Variants in ABI2 observed in about 807,000 individuals in gnomAD.
The protein encoded by ABI2 is abelson interactor 2.
Under a neutral mutation model 59.2 loss-of-function variants are expected in ABI2, and 25 were observed. The ratio of observed to expected loss-of-function variants is 0.42; its 90% CI spans 0.31 to 0.59. The LOEUF is 0.59. Among genes scored for constraint, ABI2 ranks in the 20% least tolerant of loss-of-function variants. ABI2 has a pLI of 0.14. For synonymous variants in ABI2, 213 were observed against 235.5 expected (o/e 0.90, Z 0.87); for missense variants, 545 against 681.8 (o/e 0.80, Z 2.23).
Position 203,391,882 on chromosome 2 carries a change from AT to A in ABI2, c.578+742del, listed in dbSNP as rs200410889. ...TTTTGGTCCTAGAGTTGGGCTCTAG[AT>A]TTGACTTTTGGCAAAAATGGCCAAT... On this transcript the variant is annotated intron_variant, in intron 5 of 11. Coordinates refer to ENST00000261018, the MANE Select transcript of ABI2 (RefSeq NM_001375670.1). 2.6e-3 allele frequency among the ~76,000 whole-genome samples: 402 copies of A among 151,796 alleles called. 8 individuals carry two copies. Among genetic ancestry groups the A allele is most frequent in the Non-Finnish European group, 4.9e-4 (33 of 67,952 alleles).
At chr2:203,402,767 A>AT in intron 9 of ABI2, 33 bp downstream of exon 9, 1 of 1,496,310 alleles carries the variant, frequency 6.7e-7, no homozygotes, top group Non-Finnish European at 8.9e-7. Flanking sequence ...ATTCTATAGA[A>AT]TGTATTTAAT....
chr2:203,352,282 A>G (rs2089252407), intron 1 of ABI2, among the ~76,000 whole-genome samples: 1 of 152,186 alleles, frequency 6.6e-6, no homozygotes, highest in Non-Finnish European at 1.5e-5. Flanking sequence ...AATAATAAAG[A>G]TTATTACTGG....
At chr2:203,374,342 A>G (rs1380594266) in intron 2 of ABI2, among the ~76,000 whole-genome samples, 1 of 151,980 alleles carries the variant, frequency 6.6e-6, no homozygotes, top group African/African-American at 2.4e-5. Flanking sequence ...GCTACTAAAA[A>G]TACAAAAATT....
chr2:203,375,135 G>C (rs556123304), intron 2 of ABI2, among the ~76,000 whole-genome samples: 1 of 152,330 alleles, frequency 6.6e-6, no homozygotes, highest in Non-Finnish European at 1.5e-5. Flanking sequence ...CAGCATGCAA[G>C]ATCAGCTTGG....
At chr2:203,340,836 C>T (rs1177746773) in intron 1 of ABI2, among the ~76,000 whole-genome samples, 3 of 151,928 alleles carry the variant, frequency 2.0e-5, no homozygotes, top group Admixed American at 6.6e-5. Context: ...AAAAAAAAAC[C>T]CAAAGCAAAC....
chr2:203,333,155 T>C (rs1185764753), intron 1 of ABI2, among the ~76,000 whole-genome samples: 1 of 152,160 alleles, frequency 6.6e-6, no homozygotes, highest in African/African-American at 2.4e-5. Flanking sequence ...ATTTAAAATT[T>C]TTATTTAATA....
Position 203,366,857 on chromosome 2 carries a change from T to G in ABI2, c.118-20T>G. On this transcript the variant is annotated intron_variant, in intron 1 of 11. Transcript: ENST00000261018. ...GGGTTATTTTTGAATTAATGATCAC[T>G]GGTTTGTTTTTTTTCCCAGTCAGCA... The G allele has an allele frequency of 1.3e-6, 2 of 1,525,020 alleles. No homozygotes were observed. The highest frequency in any genetic ancestry group is 1.8e-6 in the Non-Finnish European group (2 of 1,130,386). 94.5% of individuals were successfully genotyped at this position (1,525,020 alleles called of 1,614,324 possible).
chr2:203,362,472 ATT>A (rs1195280689), intron 1 of ABI2, among the ~76,000 whole-genome samples: 4 of 152,050 alleles, frequency 2.6e-5, no homozygotes, highest in Non-Finnish European at 5.9e-5. Context: ...CATTTTAAAT[ATT>A]GAGTTTTACT....
intron 5 of ABI2, among the ~76,000 whole-genome samples, chr2:203,393,010 T>A (rs1022433054): frequency 6.6e-6 from 1 of 152,132 alleles, no homozygotes; most frequent in Non-Finnish European, 1.5e-5. Context: ...TTGCCTTCAC[T>A]CTGTAGTTCT....
chr2:203,422,150 T>C (rs908346705), intron 11 of ABI2, among the ~76,000 whole-genome samples: 3 of 151,712 alleles, frequency 2.0e-5, no homozygotes, highest in Non-Finnish European at 4.4e-5. Flanking sequence ...TTAGAAAACT[T>C]AGCCAGACAT....
At chr2:203,424,841 C>T (rs1340405878) in intron 11 of ABI2, among the ~76,000 whole-genome samples, 1 of 152,136 alleles carries the variant, frequency 6.6e-6, no homozygotes, top group Non-Finnish European at 1.5e-5. Flanking sequence ...TCTCTGGAAT[C>T]ATGTTAAGTG....
rs554063349 is a variant in ABI2, at chr2:203,377,531, A to G, written c.286-2677A>G. Among the ~76,000 whole-genome samples the G allele has an allele frequency of 5.3e-5, 8 of 152,320 alleles. No individual in the cohort carries two copies. The South Asian group carries it at 1.4e-3, about 28-fold the overall frequency. ...AGACCCATTTTATAAAAAAAGTGTC[A>G]TATTTTATTTTTTGAAGCATACTTG... On this transcript the variant is annotated intron_variant, in intron 2 of 11. Coordinates refer to ENST00000261018, the MANE Select transcript of ABI2 (RefSeq NM_001375670.1).
chr2:203,360,689 C>T (rs1183815908), intron 1 of ABI2, among the ~76,000 whole-genome samples: 1 of 152,154 alleles, frequency 6.6e-6, no homozygotes, highest in African/African-American at 2.4e-5. Context: ...AAGATATGGC[C>T]TAGCTGTGAA....
chr2:203,369,367 T>C (rs182918071), intron 2 of ABI2, among the ~76,000 whole-genome samples: 2 of 152,232 alleles, frequency 1.3e-5, no homozygotes, highest in East Asian at 3.9e-4. Flanking sequence ...GGAGAGATTA[T>C]GTGGGTAAAT....
chr2:203,372,380 TC>T (rs1241721631), intron 2 of ABI2, among the ~76,000 whole-genome samples: 18 of 151,984 alleles, frequency 1.2e-4, no homozygotes, highest in African/African-American at 4.1e-4. Flanking sequence ...TCCCCACCTT[TC>T]CCCCCTTTCT....
In ABI2 at chr2:203,359,294, T is replaced by C. The variant is rs1252876512; in HGVS notation, c.118-7583T>C. On this transcript the variant is annotated intron_variant, in intron 1 of 11. Transcript: ENST00000261018. ...TATTTTCCTTCATTTTCATATGAAC[T>C]GAAGACTTCTAATTCCCAAGTTGAT... Among the ~76,000 whole-genome samples, 5 of 152,348 alleles carry C rather than the reference T, an allele frequency of 3.3e-5. No individual in the cohort carries two copies. In the East Asian group the frequency reaches 9.6e-4, roughly 29 times the overall value.
chr2:203,353,092 T>C (rs2089904320), intron 1 of ABI2, among the ~76,000 whole-genome samples: 1 of 152,254 alleles, frequency 6.6e-6, no homozygotes, highest in South Asian at 2.1e-4. Context: ...TAATGACGCA[T>C]TTCTCAGAAT....
chr2:203,404,421 A>G (rs2097345211), intron 9 of ABI2, among the ~76,000 whole-genome samples: 1 of 152,208 alleles, frequency 6.6e-6, no homozygotes, highest in African/African-American at 2.4e-5. Context: ...TGGCTATGCC[A>G]TTCTTTTTAA....
intron 2 of ABI2, 26 bp from the exon 3 acceptor site, chr2:203,380,182 G>C: frequency 6.9e-7 from 1 of 1,445,864 alleles, no homozygotes; most frequent in Non-Finnish European, 9.3e-7. Flanking sequence ...ACATTTTTGT[G>C]TTGTTTTTTA....
Sources: allele counts gnomAD v4.1 joint callset (sites outside exome capture counted in the v4.1 genomes callset), GRCh38; gene constraint gnomAD v4.1.1; transcripts MANE v1.5; gene names NCBI Gene and HGNC (gene_info 2026-07-23, HGNC 2026-07-21).